The following AGAP1 variants were observed in gnomAD, a reference collection of about 807,000 sequenced individuals.
The protein encoded by AGAP1 is arf-GAP with GTPase, ANK repeat and PH domain-containing protein 1.
AGAP1 carries 29 observed loss-of-function variants against 105.3 expected under a neutral mutation model. The ratio of observed to expected loss-of-function variants is 0.28; its 90% CI spans 0.21 to 0.38. The LOEUF (loss-of-function observed/expected upper bound fraction) is 0.38, where lower values mean the gene tolerates loss of function less well. Among genes scored for constraint, AGAP1 ranks in the 10% least tolerant of loss-of-function variants. The pLI is 1.00. For synonymous variants in AGAP1, 509 were observed against 485.9 expected (o/e 1.05, Z -0.63); for missense variants, 998 against 1,165.1 (o/e 0.86, Z 2.09).
intron 6 of AGAP1, among the ~76,000 whole-genome samples, chr2:235,775,079 A>G (rs921624276): frequency 6.6e-6 from 1 of 152,164 alleles, no homozygotes; most frequent in Non-Finnish European, 1.5e-5. Context: ...GACTGGGTGA[A>G]CAGAAGGGGC....
At chr2:235,829,734 A>T (rs767420206) in intron 9 of AGAP1, among the ~76,000 whole-genome samples, 12 of 152,114 alleles carry the variant, frequency 7.9e-5, no homozygotes, top group Non-Finnish European at 1.8e-4. Flanking sequence ...ACCCAGCCTG[A>T]TGGTATCGTC....
chr2:235,607,542 C>A (rs73996190), intron 1 of AGAP1, among the ~76,000 whole-genome samples: 1 of 152,224 alleles, frequency 6.6e-6, no homozygotes, highest in Non-Finnish European at 1.5e-5. Flanking sequence ...TGGGTGTCCA[C>A]TGTCAGAGGA....
At chr2:235,617,789 C>CATGA (rs752640570) in intron 1 of AGAP1, among the ~76,000 whole-genome samples, 2 of 152,218 alleles carry the variant, frequency 1.3e-5, no homozygotes, top group Non-Finnish European at 2.9e-5. Flanking sequence ...GTCTTGCATA[C>CATGA]ATGAGTATTT....
rs1329613582 is a variant in AGAP1 at position 235,551,537 on chromosome 2, G to T, written c.163+56688G>T. On this transcript the variant is annotated intron_variant, in intron 1 of 17. Transcript: ENST00000304032. The surrounding 1 kb of genome is among the most constrained non-coding windows in gnomAD (Gnocchi z 4.8). ...TGGTCTCTAACTCCTGGGCTCAAGG[G>T]ATACACCTACCTCAGCCTCCCAAAG... 6.6e-6 allele frequency among the ~76,000 whole-genome samples: 1 copy of T among 152,104 alleles called. No homozygotes were observed. The highest frequency in any genetic ancestry group is 1.5e-5 in the Non-Finnish European group (1 of 68,020).
chr2:235,656,515 C>A lies in AGAP1; in HGVS notation c.164-52664C>A, dbSNP rs528437359. On this transcript the variant is annotated intron_variant, in intron 1 of 17. Transcript: ENST00000304032. ...CCTGACTCATTCCGATTACCTGCTA[C>A]CTGCTCTGCCCTGACTCATTCTCCA... 4.6e-5 allele frequency among the ~76,000 whole-genome samples: 7 copies of A among 152,292 alleles called. No individual in the cohort carries two copies. The South Asian group carries it at 1.5e-3, about 32-fold the overall frequency.
At chr2:235,644,896 CTT>C (rs74548435) in intron 1 of AGAP1, among the ~76,000 whole-genome samples, 10 of 143,720 alleles carry the variant, frequency 7.0e-5, no homozygotes, top group South Asian at 2.2e-4. Flanking sequence ...AGGTGTAAGA[CTT>C]TTTTTTTTTT....
In AGAP1 at chr2:236,101,705, T is replaced by C. The variant is rs879645228; in HGVS notation, c.2115-18487T>C. 2.0e-5 allele frequency among the ~76,000 whole-genome samples: 3 copies of C among 152,362 alleles called. No homozygotes were observed. The highest frequency in any genetic ancestry group is 2.1e-4 in the South Asian group (1 of 4,828). ...AAGCCGATCACATCAGCCGCTGTTA[T>C]GGTGAACGGAATTCACTGTGATGGC... is the stretch of plus-strand genomic sequence containing the variant. On this transcript the variant is annotated intron_variant, in intron 16 of 17. Coordinates refer to ENST00000304032, the MANE Select transcript of AGAP1 (RefSeq NM_001037131.3). The surrounding 1 kb of genome is among the most constrained non-coding windows in gnomAD (Gnocchi z 4.9).
chr2:235,869,420 T>TTAA (rs2049330508), intron 9 of AGAP1, among the ~76,000 whole-genome samples: 1 of 49,946 alleles, frequency 2.0e-5, no homozygotes, highest in Non-Finnish European at 3.7e-5. Flanking sequence ...CCATCTCTAC[T>TTAA]AAAAAAAAAA....
chr2:235,545,751 CCTGT>C (rs1474727799), intron 1 of AGAP1, among the ~76,000 whole-genome samples: 2 of 152,226 alleles, frequency 1.3e-5, no homozygotes, highest in Non-Finnish European at 2.9e-5. Context: ...CTTCTTCCAG[CCTGT>C]GGGATGTTGC....
rs1347806856 is a variant in AGAP1, at chr2:235,872,788, A to G, written c.1051-10557A>G. Among the ~76,000 whole-genome samples the G allele has an allele frequency of 2.0e-5, 3 of 152,174 alleles. No individual in the cohort carries two copies. Among genetic ancestry groups the G allele is most frequent in the Non-Finnish European group, 4.4e-5 (3 of 68,042 alleles). ...CCCCTGTCTTCCCCGATTGGTTTCCATTTAGCTGCTGCACATGGGGGATGC... is the reference window on the plus strand; with the variant it reads ...CCCCTGTCTTCCCCGATTGGTTTCCGTTTAGCTGCTGCACATGGGGGATGC... On this transcript the variant is annotated intron_variant, in intron 9 of 17. Transcript: ENST00000304032. This position sits in a 1 kb window ranked among gnomAD's most constrained non-coding sequence, Gnocchi z 4.5.
intron 9 of AGAP1, among the ~76,000 whole-genome samples, chr2:235,827,174 T>G (rs769817869): frequency 6.6e-6 from 1 of 152,220 alleles, no homozygotes; most frequent in Non-Finnish European, 1.5e-5. Context: ...TGTGTGACTT[T>G]TACTTTCTGC....
chr2:235,685,345 C>T (rs1341167585), intron 1 of AGAP1, among the ~76,000 whole-genome samples: 1 of 151,852 alleles, frequency 6.6e-6, no homozygotes, highest in Non-Finnish European at 1.5e-5. Context: ...GCTCAGTTCT[C>T]ATCTCTCTGG....
At chr2:235,813,014 A>G (rs983161409) in intron 9 of AGAP1, among the ~76,000 whole-genome samples, 1 of 152,218 alleles carries the variant, frequency 6.6e-6, no homozygotes, top group African/African-American at 2.4e-5. Flanking sequence ...GACCCAGCCC[A>G]GTTACGATGA....
Position 235,700,217 on chromosome 2 carries a change from A to C in AGAP1, c.164-8962A>C, listed in dbSNP as rs1477346362. On this transcript the variant is annotated intron_variant, in intron 1 of 17. Coordinates refer to ENST00000304032, the MANE Select transcript of AGAP1 (RefSeq NM_001037131.3). This position sits in a 1 kb window ranked among gnomAD's most constrained non-coding sequence, Gnocchi z 6.1. ...TTCCGAAGCAGCCTCAGCTAATGGA[A>C]CACAGTTCTTCTGAAGGAAATGCGG... is the stretch of plus-strand genomic sequence containing the variant. 6.6e-6 allele frequency among the ~76,000 whole-genome samples: 1 copy of C among 152,212 alleles called. No individual in the cohort carries two copies. Among genetic ancestry groups the C allele is most frequent in the African/African-American group, 2.4e-5 (1 of 41,452 alleles).
chr2:235,807,838 G>A (rs1233448094), intron 9 of AGAP1, among the ~76,000 whole-genome samples: 1 of 152,180 alleles, frequency 6.6e-6, no homozygotes, highest in Non-Finnish European at 1.5e-5. Flanking sequence ...GCTAATGAAG[G>A]AATTGTAACT....
chr2:235,505,787 C>T (rs1261886777), intron 1 of AGAP1: 1 of 152,072 alleles, frequency 6.6e-6, no homozygotes, highest in Non-Finnish European at 1.5e-5. Flanking sequence ...TCACTTCAGC[C>T]TGGGAAGAGC....
At chr2:236,021,449 T>G (rs548825105) in intron 13 of AGAP1, among the ~76,000 whole-genome samples, 41 of 152,160 alleles carry the variant, frequency 2.7e-4, no homozygotes, top group Non-Finnish European at 5.1e-4. Flanking sequence ...GCCCTAGGCC[T>G]GCCCAACATG....
chr2:236,034,629 C>A (rs1057262661), intron 13 of AGAP1, among the ~76,000 whole-genome samples: 1 of 152,178 alleles, frequency 6.6e-6, no homozygotes, highest in Admixed American at 6.5e-5. Flanking sequence ...CAGCTGAGGG[C>A]TTCCTCCAAA....
chr2:235,590,241 G>C (rs977624753), intron 1 of AGAP1, among the ~76,000 whole-genome samples: 1 of 152,172 alleles, frequency 6.6e-6, no homozygotes, highest in African/African-American at 2.4e-5. Context: ...ACGTTTAAAA[G>C]CTCCAGCTTC....
Sources: gnomAD v4.1 joint callset for allele counts (sites outside exome capture counted in the v4.1 genomes callset) on GRCh38, gnomAD v4.1.1 for gene constraint, Gnocchi (gnomAD v3.1) non-coding constraint, MANE v1.5 for transcripts, NCBI Gene and HGNC (gene_info 2026-07-23, HGNC 2026-07-21) for gene names.